SLC25A13: variants seen among roughly 807,000 people sequenced by gnomAD.
The protein encoded by SLC25A13 is electrogenic aspartate/glutamate antiporter SLC25A13, mitochondrial.
SLC25A13 carries 70 observed loss-of-function variants against 85.5 expected under a neutral mutation model. That is an observed-to-expected ratio of 0.82 (90% CI 0.68 to 1.00). The LOEUF (loss-of-function observed/expected upper bound fraction) is 1.00, where lower values mean the gene tolerates loss of function less well. Ranked by LOEUF, SLC25A13 falls within the 50% of genes least tolerant of loss-of-function variation. SLC25A13 has a pLI of 0.00. For synonymous variants in SLC25A13, 259 were observed against 288.7 expected (o/e 0.90, Z 1.04); for missense variants, 765 against 819.8 (o/e 0.93, Z 0.82).
intron 1 of SLC25A13, among the ~76,000 whole-genome samples, chr7:96,309,019 A>G (rs575192417): frequency 3.6e-4 from 55 of 152,358 alleles, no homozygotes; most frequent in African/African-American, 7.9e-4. Flanking sequence ...CTGGGAGGCA[A>G]TGAAAAGATG....
At chr7:96,175,795 A>G (rs1045073151) in intron 11 of SLC25A13, among the ~76,000 whole-genome samples, 6 of 152,236 alleles carry the variant, frequency 3.9e-5, no homozygotes, top group Non-Finnish European at 8.8e-5. Context: ...AGCTAGAGAA[A>G]CTAGGAGTTT....
intron 2 of SLC25A13, among the ~76,000 whole-genome samples, chr7:96,288,809 T>C (rs1040406269): frequency 1.3e-5 from 2 of 150,962 alleles, no homozygotes; most frequent in Non-Finnish European, 3.0e-5. Context: ...GCTCCAGGAG[T>C]CCTCTGTAGA....
chr7:96,145,206 T>G (rs913992934), intron 14 of SLC25A13, among the ~76,000 whole-genome samples: 6 of 152,090 alleles, frequency 3.9e-5, no homozygotes, highest in Non-Finnish European at 8.8e-5. Flanking sequence ...TAAGGCAAAA[T>G]TTTCCCCTGC....
chr7:96,142,575 T>G (rs1469386872), intron 14 of SLC25A13, among the ~76,000 whole-genome samples: 3 of 152,182 alleles, frequency 2.0e-5, no homozygotes, highest in Non-Finnish European at 4.4e-5. Context: ...ATGCTGATAT[T>G]CGTAAAATTT....
intron 4 of SLC25A13, among the ~76,000 whole-genome samples, chr7:96,209,615 A>G (rs1253975451): frequency 6.6e-6 from 1 of 151,960 alleles, no homozygotes; most frequent in Non-Finnish European, 1.5e-5. Flanking sequence ...GGCTTGACCC[A>G]AGAGTTCTCA....
intron 13 of SLC25A13, 96 bp downstream of exon 13, chr7:96,169,949 G>A: frequency 7.8e-7 from 1 of 1,277,268 alleles, no homozygotes; most frequent in Non-Finnish European, 1.1e-6. Flanking sequence ...AGGATCTGTG[G>A]TTAAACAGAA....
chr7:96,313,164 T>C (rs931529533), intron 1 of SLC25A13, among the ~76,000 whole-genome samples: 1 of 152,134 alleles, frequency 6.6e-6, no homozygotes, highest in African/African-American at 2.4e-5. Flanking sequence ...GGGCTAGAGC[T>C]TGAGACAGCC....
intron 5 of SLC25A13, among the ~76,000 whole-genome samples, chr7:96,194,659 T>C (rs1428243844): frequency 3.3e-5 from 5 of 152,132 alleles, no homozygotes; most frequent in Non-Finnish European, 5.9e-5. Context: ...AGTCTGATAC[T>C]GCTTTAAAGT....
chr7:96,295,380 A>G (rs1799307709), intron 2 of SLC25A13, among the ~76,000 whole-genome samples: 1 of 152,178 alleles, frequency 6.6e-6, no homozygotes, highest in Non-Finnish European at 1.5e-5. Context: ...AAAATTTTTC[A>G]AACATATACA....
chr7:96,281,031 C>A (rs1337203814), intron 2 of SLC25A13, among the ~76,000 whole-genome samples: 1 of 152,016 alleles, frequency 6.6e-6, no homozygotes, highest in Non-Finnish European at 1.5e-5. Context: ...AAATGTCAAC[C>A]AATAGTAGGA....
intron 15 of SLC25A13, among the ~76,000 whole-genome samples, chr7:96,131,072 A>G (rs554683651): frequency 7.4e-4 from 112 of 152,344 alleles, no homozygotes; most frequent in African/African-American, 2.6e-3. Flanking sequence ...TTGTTAACTT[A>G]TTAAATGTCA....
chr7:96,283,167 A>G (rs1191497913), intron 2 of SLC25A13, among the ~76,000 whole-genome samples: 4 of 152,232 alleles, frequency 2.6e-5, no homozygotes, highest in Admixed American at 2.6e-4. Flanking sequence ...TGTAGGTACA[A>G]TACTATCATT....
intron 12 of SLC25A13, 61 bp downstream of exon 12, chr7:96,171,411 T>G (rs1227774891): frequency 1.4e-5 from 20 of 1,452,498 alleles, no homozygotes; most frequent in Non-Finnish European, 1.9e-5. Flanking sequence ...TAAGAATACC[T>G]GCTAGATTCT....
At chr7:96,227,656 A>C (rs1241873459) in intron 4 of SLC25A13, among the ~76,000 whole-genome samples, 1 of 151,960 alleles carries the variant, frequency 6.6e-6, no homozygotes, top group African/African-American at 2.4e-5. Flanking sequence ...CAGTGCAATA[A>C]AGAAAAGAAC....
intron 3 of SLC25A13, among the ~76,000 whole-genome samples, chr7:96,241,649 A>G (rs1178544949): frequency 1.3e-5 from 2 of 152,230 alleles, no homozygotes; most frequent in Admixed American, 6.5e-5. Context: ...TTAGAAATTT[A>G]AGATTTTTTT....
intron 1 of SLC25A13, among the ~76,000 whole-genome samples, chr7:96,307,356 A>G (rs1649202584): frequency 6.6e-6 from 1 of 152,156 alleles, no homozygotes; most frequent in African/African-American, 2.4e-5. Flanking sequence ...TTGTTTAGAG[A>G]TACATAAAAT....
chr7:96,256,171 T>C (rs4377894), intron 3 of SLC25A13, among the ~76,000 whole-genome samples: 83,696 of 151,974 alleles, frequency 0.55, 24,307 homozygotes, highest in Non-Finnish European at 0.64. Context: ...CATCAACTAA[T>C]GGGCAAAATA....
intron 3 of SLC25A13, among the ~76,000 whole-genome samples, chr7:96,246,201 T>C (rs1797182943): frequency 1.3e-5 from 2 of 152,344 alleles, no homozygotes; most frequent in Non-Finnish European, 2.9e-5. Context: ...TCCCTTGATT[T>C]AGGGCTGAAA....
At chr7:96,128,002 T>A (rs1791801930) in intron 15 of SLC25A13, among the ~76,000 whole-genome samples, 1 of 152,136 alleles carries the variant, frequency 6.6e-6, no homozygotes, top group Non-Finnish European at 1.5e-5. Context: ...TCACTGCCCT[T>A]CTTGGGGTTG....
Sources: gnomAD v4.1 joint callset for allele counts (sites outside exome capture counted in the v4.1 genomes callset) on GRCh38, gnomAD v4.1.1 for gene constraint, MANE v1.5 for transcripts, NCBI Gene and HGNC (gene_info 2026-07-23, HGNC 2026-07-21) for gene names.